The following SOX5 variants were observed in gnomAD, a reference collection of about 807,000 sequenced individuals.
SOX5 encodes transcription factor SOX-5.
A neutral mutation model predicts 92.0 loss-of-function variants in SOX5; 9 were observed. The ratio of observed to expected loss-of-function variants is 0.10; its 90% CI spans 0.06 to 0.17. SOX5 has a LOEUF of 0.17. SOX5 is among the 10% of genes least tolerant of loss of function. The pLI is 1.00. For synonymous variants in SOX5, 344 were observed against 336.3 expected, an observed-to-expected ratio of 1.02 and a Z score of -0.25; for missense variants, 642 against 944.5, an observed-to-expected ratio of 0.68 and a Z score of 4.20.
chr12:24,400,989 A>C (rs953849710), intron 1 of SOX5, among the ~76,000 whole-genome samples: 1 of 152,250 alleles, frequency 6.6e-6, no homozygotes, highest in Non-Finnish European at 1.5e-5. Flanking sequence ...ATTTGGTGAC[A>C]GAGACATTAA....
intron 3 of SOX5, among the ~76,000 whole-genome samples, chr12:23,832,809 C>T (rs1031619257): frequency 6.6e-6 from 1 of 150,980 alleles, no homozygotes; most frequent in Admixed American, 6.6e-5. Flanking sequence ...AAAAAAAAAC[C>T]CTTACTTTAA....
intron 3 of SOX5, among the ~76,000 whole-genome samples, chr12:24,229,808 A>G (rs1254257612): frequency 6.6e-6 from 1 of 152,182 alleles, no homozygotes; most frequent in Non-Finnish European, 1.5e-5. Flanking sequence ...CGCTAGCAAT[A>G]AAAGGGGGAA....
chr12:24,524,340 C>CATCTATCCATCT (rs1555335379), intron 1 of SOX5, among the ~76,000 whole-genome samples: 2 of 145,150 alleles, frequency 1.4e-5, no homozygotes, highest in Non-Finnish European at 3.0e-5. Context: ...AATCCCCTCC[C>CATCTATCCATCT]ATCTATCTAT....
intron 13 of SOX5, among the ~76,000 whole-genome samples, chr12:23,541,245 A>G (rs1334940871): frequency 6.6e-6 from 1 of 152,104 alleles, no homozygotes; most frequent in African/African-American, 2.4e-5. Context: ...ATCAAAACTG[A>G]TATTTCTCTT....
chr12:24,465,002 A>G (rs1944066122), intron 1 of SOX5, among the ~76,000 whole-genome samples: 1 of 152,232 alleles, frequency 6.6e-6, no homozygotes, highest in East Asian at 1.9e-4. Context: ...GAGAGAATGG[A>G]TGGTGATAGT....
chr12:24,551,700 T>G (rs1422151265), intron 1 of SOX5, among the ~76,000 whole-genome samples: 2 of 152,124 alleles, frequency 1.3e-5, no homozygotes, highest in Non-Finnish European at 2.9e-5. Flanking sequence ...TGGGTTAGTG[T>G]TTTTCATTGT....
intron 3 of SOX5, among the ~76,000 whole-genome samples, chr12:24,232,222 T>C (rs974529194): frequency 2.0e-5 from 3 of 152,238 alleles, no homozygotes; most frequent in Non-Finnish European, 4.4e-5. Flanking sequence ...TTCATCTTCC[T>C]GTTTATGTAA....
chr12:24,386,901 T>C (rs1297036128), intron 1 of SOX5, among the ~76,000 whole-genome samples: 4 of 152,170 alleles, frequency 2.6e-5, no homozygotes, highest in Non-Finnish European at 5.9e-5. Flanking sequence ...AAAAGATAAA[T>C]AGAAAAGTAT....
chr12:23,805,804 C>A (rs914642972), intron 3 of SOX5, among the ~76,000 whole-genome samples: 1 of 152,110 alleles, frequency 6.6e-6, no homozygotes, highest in Non-Finnish European at 1.5e-5. Context: ...TTTCTATATA[C>A]TGTTAACATT....
intron 1 of SOX5, among the ~76,000 whole-genome samples, chr12:23,948,219 A>AT (rs1944934810): frequency 7.5e-6 from 1 of 132,738 alleles, no homozygotes; most frequent in Non-Finnish European, 1.6e-5. Context: ...CAATTTAATT[A>AT]TTAAAAAAAA....
chr12:23,847,464 T>C (rs191561483), intron 2 of SOX5, among the ~76,000 whole-genome samples: 9 of 152,318 alleles, frequency 5.9e-5, no homozygotes, highest in South Asian at 2.1e-4. Context: ...TAATGCAATA[T>C]TTTGGACTAG....
chr12:24,374,659 C>T (rs983727911), intron 1 of SOX5, among the ~76,000 whole-genome samples: 2 of 152,136 alleles, frequency 1.3e-5, no homozygotes, highest in African/African-American at 4.8e-5. Flanking sequence ...CAGGTGGGGC[C>T]AATTGCATCA....
Position 23,530,938 on chromosome 12 carries a change from CTTACTCT to C in SOX5, c.*3274_*3280del, listed in dbSNP as rs1324429147. 6.6e-6 allele frequency: 1 copy of C among 151,716 alleles called. No individual in the cohort carries two copies. Among genetic ancestry groups the C allele is most frequent in the Admixed American group, 6.6e-5 (1 of 15,178 alleles). 9.4% of individuals were successfully genotyped at this position (151,716 alleles called of 1,614,324 possible). The stretch of plus-strand genomic sequence containing the variant: ...TTATGTTTTAGTTTGATCTTTTGAT[CTTACTCT>C]CATTTTCTTTATCTTTTTTGGTCAT... On this transcript the variant is annotated 3_prime_UTR_variant, in exon 15 of 15. Transcript: ENST00000451604.
intron 6 of SOX5, among the ~76,000 whole-genome samples, chr12:23,688,068 T>C (rs544270469): frequency 3.3e-5 from 5 of 152,150 alleles, no homozygotes; most frequent in Non-Finnish European, 7.4e-5. Flanking sequence ...ACAAACTCTT[T>C]CTGTAGATCT....
At chr12:23,949,394 G>T (rs930448431) in intron 1 of SOX5, among the ~76,000 whole-genome samples, 170 bp downstream of exon 1, 1 of 152,150 alleles carries the variant, frequency 6.6e-6, no homozygotes, top group Non-Finnish European at 1.5e-5. Flanking sequence ...AATCAGTTCA[G>T]TTTGGTCCGG....
intron 3 of SOX5, among the ~76,000 whole-genome samples, chr12:23,782,991 G>GCCGT (rs1374130374): frequency 6.6e-6 from 1 of 152,098 alleles, no homozygotes; most frequent in African/African-American, 2.4e-5. Context: ...AAAGCACACT[G>GCCGT]CCGTACCTGT....
At chr12:24,548,818 T>A (rs894534429) in intron 1 of SOX5, among the ~76,000 whole-genome samples, 3 of 152,230 alleles carry the variant, frequency 2.0e-5, no homozygotes, top group Admixed American at 2.0e-4. Flanking sequence ...CGTTCATTCC[T>A]GCCTCTCTTA....
At position 24,403,326 on chromosome 12, in the gene SOX5, T is replaced by A. The variant is rs1962192740; in HGVS notation, c.-250-34687A>T. Among the ~76,000 whole-genome samples, 4 of 152,216 alleles carry A rather than the reference T, an allele frequency of 2.6e-5. No individual in the cohort carries two copies. In the South Asian group the frequency reaches 8.3e-4, roughly 31 times the overall value. ...CTATTATAAAGACTCATTCACTGTG[T>A]GTTTCCCCTGATAAATCAAATCTCC... On this transcript the variant is annotated intron_variant, in intron 1 of 4. Coordinates refer to the SOX5 transcript ENST00000446891.
intron 1 of SOX5, among the ~76,000 whole-genome samples, chr12:24,524,136 T>C (rs1325187562): frequency 2.0e-5 from 3 of 152,176 alleles, no homozygotes; most frequent in Non-Finnish European, 4.4e-5. Context: ...CCACTTTCAG[T>C]GTGAGTGGGC....
Sources: gnomAD v4.1 joint callset for allele counts (sites outside exome capture counted in the v4.1 genomes callset) on GRCh38, gnomAD v4.1.1 for gene constraint, MANE v1.5 for transcripts, NCBI Gene and HGNC (gene_info 2026-07-23, HGNC 2026-07-21) for gene names.